UVRAG: variants seen among roughly 807,000 people sequenced by gnomAD.
UVRAG encodes the protein UV radiation resistance-associated gene protein.
In UVRAG, 19 loss-of-function variants were observed where a neutral mutation model predicts 78.0. The ratio of observed to expected loss-of-function variants is 0.24; its 90% CI spans 0.17 to 0.36. UVRAG has a LOEUF of 0.36. Among genes scored for constraint, UVRAG ranks in the 10% least tolerant of loss-of-function variants. The probability of loss-of-function intolerance (pLI) is 1.00; values close to 1 mark genes in which losing one functional copy is unlikely to be tolerated. For missense variants in UVRAG, 740 were observed against 853.8 expected (o/e 0.87, Z 1.66); for synonymous variants, 323 against 324.6 (o/e 1.00, Z 0.05).
chr11:75,992,298 G>C (rs1949623430), intron 8 of UVRAG, among the ~76,000 whole-genome samples: 1 of 152,174 alleles, frequency 6.6e-6, no homozygotes, highest in African/African-American at 2.4e-5. Context: ...ATCATGGAGA[G>C]AAAGAATGGT....
intron 3 of UVRAG, among the ~76,000 whole-genome samples, chr11:75,877,447 C>T (rs1946815572): frequency 6.6e-6 from 1 of 151,310 alleles, no homozygotes; most frequent in African/African-American, 2.4e-5. Context: ...TGCCCCTCAC[C>T]TCCCGGACGG....
chr11:75,887,454 T>G (rs901634663), intron 4 of UVRAG, among the ~76,000 whole-genome samples: 1 of 145,610 alleles, frequency 6.9e-6, no homozygotes, highest in African/African-American at 2.6e-5. Context: ...GCAGGTTTTT[T>G]TTTTTTTTTT....
chr11:75,954,639 A>C (rs756753908), intron 6 of UVRAG, among the ~76,000 whole-genome samples: 1 of 152,216 alleles, frequency 6.6e-6, no homozygotes, highest in Non-Finnish European at 1.5e-5. Flanking sequence ...TTTTATGTTC[A>C]GACATTAGGC....
chr11:75,949,047 T>A (rs150605936), intron 6 of UVRAG, among the ~76,000 whole-genome samples: 2 of 151,996 alleles, frequency 1.3e-5, no homozygotes, highest in Non-Finnish European at 2.9e-5. Flanking sequence ...AGAATAAGAG[T>A]TGAAGCTAAG....
chr11:75,842,590 C>T (rs961873917), intron 1 of UVRAG, among the ~76,000 whole-genome samples: 2 of 152,018 alleles, frequency 1.3e-5, no homozygotes, highest in Non-Finnish European at 1.5e-5. Context: ...TACAGGCGCC[C>T]GCCATCATTC....
In UVRAG at chr11:76,021,903, A is replaced by G. The variant is rs985139514; in HGVS notation, c.1226+4923A>G. On this transcript the variant is annotated intron_variant, in intron 12 of 14. Coordinates refer to ENST00000356136, the MANE Select transcript of UVRAG (RefSeq NM_003369.4). ...ACACTGTCTTTACAAAAAATACAAAAATTAGCTGAGCGTGGTGGTGTGCAC... is the reference window on the plus strand; with the variant it reads ...ACACTGTCTTTACAAAAAATACAAAGATTAGCTGAGCGTGGTGGTGTGCAC... 3.3e-5 allele frequency among the ~76,000 whole-genome samples: 5 copies of G among 152,180 alleles called. No homozygotes were observed. In the East Asian group the frequency reaches 9.6e-4, roughly 29 times the overall value.
chr11:75,984,819 C>T (rs573647870), intron 8 of UVRAG, among the ~76,000 whole-genome samples: 5 of 152,184 alleles, frequency 3.3e-5, no homozygotes, highest in African/African-American at 7.2e-5. Context: ...GCAGTTTGTT[C>T]GTGTTTAATG....
At chr11:75,974,408 G>A (rs377035111) in intron 7 of UVRAG, among the ~76,000 whole-genome samples, 2 of 135,128 alleles carry the variant, frequency 1.5e-5, no homozygotes, top group Admixed American at 8.1e-5. Context: ...CGCCCAGGCC[G>A]GACTGCGGAC....
chr11:75,924,808 T>A (rs977560124), intron 6 of UVRAG, among the ~76,000 whole-genome samples: 6 of 152,214 alleles, frequency 3.9e-5, no homozygotes, highest in Admixed American at 3.9e-4. Context: ...GCTACTAAGT[T>A]CATTTTCTCT....
In UVRAG at chr11:76,116,022, AC is replaced by A; in HGVS notation, c.1397+9del. Reference sequence around the variant, plus strand: ...ATGGACTAATGGTCAGGTGGTGAGTACCTTTATCTCTGATAACCAGAAACTG... The same window carrying A: ...ATGGACTAATGGTCAGGTGGTGAGTACTTTATCTCTGATAACCAGAAACTG... On this transcript the variant is annotated splice_region_variant and intron_variant, in intron 14 of 14. Transcript: ENST00000356136. 6.2e-7 allele frequency: 1 copy of A among 1,612,740 alleles called. No homozygotes were observed. The highest frequency in any genetic ancestry group is 8.5e-7 in the Non-Finnish European group (1 of 1,178,928).
chr11:75,917,975 G>C (rs577729373), intron 6 of UVRAG, among the ~76,000 whole-genome samples: 1 of 152,276 alleles, frequency 6.6e-6, no homozygotes, highest in East Asian at 1.9e-4. Flanking sequence ...GTTAGAATTT[G>C]TATTCAAACC....
chr11:76,141,515 A>G lies in UVRAG; in HGVS notation c.*102A>G. On this transcript the variant is annotated 3_prime_UTR_variant, in exon 15 of 15. Coordinates refer to ENST00000356136, the MANE Select transcript of UVRAG (RefSeq NM_003369.4). ...ATAATGATGACACAAAATGAATATT[A>G]ATGGAGGATATTCCTCGGAAAAACA... 1 of 1,160,992 alleles carries G rather than the reference A, an allele frequency of 8.6e-7. No homozygotes were observed. Among genetic ancestry groups the G allele is most frequent in the South Asian group, 1.5e-5 (1 of 65,188 alleles). The allele number at this position is 1,160,992 out of a possible 1,614,324, so 71.9% of individuals were successfully genotyped here. A position where few individuals can be genotyped will look rare whatever the true frequency, so the allele number is the denominator to read the frequency against.
intron 6 of UVRAG, among the ~76,000 whole-genome samples, chr11:75,960,940 G>A (rs552228647): frequency 1.3e-5 from 2 of 152,130 alleles, no homozygotes; most frequent in Admixed American, 6.5e-5. Context: ...CTATTACTTT[G>A]TCTTTTCTAT....
intron 1 of UVRAG, among the ~76,000 whole-genome samples, chr11:75,822,201 C>T (rs539143835): frequency 6.6e-6 from 1 of 152,210 alleles, no homozygotes; most frequent in African/African-American, 2.4e-5. Context: ...ACCTTGGCCT[C>T]CCAAAGTGCT....
At chr11:75,942,975 C>T (rs1591045719) in intron 6 of UVRAG, among the ~76,000 whole-genome samples, 1 of 152,194 alleles carries the variant, frequency 6.6e-6, no homozygotes, top group Non-Finnish European at 1.5e-5. Flanking sequence ...ACAGGAGGCT[C>T]ACTTGAGCCC....
Position 76,016,964 on chromosome 11 carries a change from A to G in UVRAG, c.1210A>G (p.Thr404Ala), listed in dbSNP as rs761488046. ...TIKDNINDKL[T>A]EKEREFPLYP... ...CAAAGACAATATCAATGACAAACTG[A>G]CGGAAAAGGAGAGAGAGTAAGTGTC... is the stretch of plus-strand genomic sequence containing the variant. Residue 404 changes from threonine to alanine, a missense_variant, in exon 12 of 15, where the codon ACG (threonine) becomes GCG (alanine). Coordinates refer to ENST00000356136, the MANE Select transcript of UVRAG (RefSeq NM_003369.4). 2 of 1,604,608 alleles carry G rather than the reference A, an allele frequency of 1.2e-6. No homozygotes were observed. Among genetic ancestry groups the G allele is most frequent in the South Asian group, 1.1e-5 (1 of 88,840 alleles).
intron 13 of UVRAG, among the ~76,000 whole-genome samples, chr11:76,099,555 T>C (rs1039268861): frequency 3.3e-5 from 5 of 152,148 alleles, no homozygotes; most frequent in African/African-American, 1.2e-4. Context: ...TATAGGTTAG[T>C]TTGTAGAGAA....
chr11:75,984,536 T>C (rs1405188611), intron 8 of UVRAG, among the ~76,000 whole-genome samples: 1 of 152,190 alleles, frequency 6.6e-6, no homozygotes, highest in African/African-American at 2.4e-5. Flanking sequence ...TGTATCCCCA[T>C]GGTAAGTTAT....
chr11:75,829,098 T>A (rs950534745), intron 1 of UVRAG, among the ~76,000 whole-genome samples: 2 of 151,982 alleles, frequency 1.3e-5, no homozygotes, highest in Admixed American at 1.3e-4. Flanking sequence ...CTGGGTCTCA[T>A]TATATTGCCC....
Sources: allele counts gnomAD v4.1 joint callset (sites outside exome capture counted in the v4.1 genomes callset), GRCh38; gene constraint gnomAD v4.1.1; transcripts MANE v1.5; gene names NCBI Gene and HGNC (gene_info 2026-07-23, HGNC 2026-07-21).